Variants in BMAL1 observed in about 807,000 individuals in gnomAD.
BMAL1 encodes the protein basic helix-loop-helix ARNT-like protein 1.
At chr11:13,365,314 C>CAA in the BMAL1 span, 1 of 480,278 alleles carries the variant, frequency 2.1e-6, no homozygotes, top group Non-Finnish European at 3.8e-6. Flanking sequence ...CACACACACA[C>CAA]ACACACAATC....
the BMAL1 span, among the ~76,000 whole-genome samples, chr11:13,337,101 G>C: frequency 6.6e-6 from 1 of 152,194 alleles, no homozygotes; most frequent in African/African-American, 2.4e-5. Flanking sequence ...CACAAAGATA[G>C]CTACTATCAG....
At chr11:13,368,537 G>A in the BMAL1 span, among the ~76,000 whole-genome samples, 45 of 152,294 alleles carry the variant, frequency 3.0e-4, no homozygotes, top group Middle Eastern at 3.4e-3. Flanking sequence ...AGGGGAGATC[G>A]CAGAGCTGGC....
At chr11:13,365,468 TGA>T in the BMAL1 span, 1 of 1,574,002 alleles carries the variant, frequency 6.4e-7, no homozygotes, top group South Asian at 1.1e-5. Context: ...TCCTACAGTA[TGA>T]GAAATTGATT....
the BMAL1 span, among the ~76,000 whole-genome samples, chr11:13,317,926 G>A: frequency 6.6e-6 from 1 of 152,252 alleles, no homozygotes; most frequent in East Asian, 1.9e-4. Context: ...AGCACTCATA[G>A]TGTTTTAAGA....
the BMAL1 span, among the ~76,000 whole-genome samples, chr11:13,284,118 A>ATC: frequency 1.1e-5 from 1 of 95,118 alleles, no homozygotes; most frequent in Admixed American, 1.1e-4. Flanking sequence ...GTGTATATAT[A>ATC]TGTGTGTGTG....
chr11:13,354,565 C>G, the BMAL1 span: 4 of 1,393,928 alleles, frequency 2.9e-6, no homozygotes, highest in African/African-American at 5.8e-5. Flanking sequence ...ATAAAAAACC[C>G]AACTCTAGGT....
the BMAL1 span, chr11:13,381,025 A>G: frequency 5.5e-6 from 4 of 731,328 alleles, no homozygotes; most frequent in Non-Finnish European, 9.1e-6. Context: ...TAGAGAGCCT[A>G]CTATCTGGCC....
the BMAL1 span, chr11:13,381,204 A>T: frequency 1.2e-6 from 2 of 1,614,088 alleles, no homozygotes; most frequent in African/African-American, 2.7e-5. Flanking sequence ...CAGCCCATTG[A>T]ACATCACGAG....
At chr11:13,354,610 T>C in the BMAL1 span, 69 of 927,220 alleles carry the variant, frequency 7.4e-5, no homozygotes, top group Non-Finnish European at 1.0e-4. Context: ...TACCTTCCCC[T>C]AGTTTGTAAG....
chr11:13,357,969 C>T, the BMAL1 span, among the ~76,000 whole-genome samples: 1 of 152,228 alleles, frequency 6.6e-6, no homozygotes, highest in Non-Finnish European at 1.5e-5. This position sits in a 1 kb window ranked among gnomAD's most constrained non-coding sequence, Gnocchi z 4.8. Context: ...GTCAGTGAGG[C>T]TGTGACTGGA....
the BMAL1 span, among the ~76,000 whole-genome samples, chr11:13,337,522 A>T: frequency 8.5e-4 from 130 of 152,320 alleles, no homozygotes; most frequent in Non-Finnish European, 1.4e-3. Flanking sequence ...TTAGGCATGA[A>T]ATTACTTTGT....
At chr11:13,291,713 T>C in the BMAL1 span, among the ~76,000 whole-genome samples, 2 of 151,890 alleles carry the variant, frequency 1.3e-5, no homozygotes, top group African/African-American at 4.8e-5. Context: ...GCAGGAATTA[T>C]TAAAGTGAAC....
chr11:13,312,385 G>C, the BMAL1 span, among the ~76,000 whole-genome samples: 1 of 152,192 alleles, frequency 6.6e-6, no homozygotes, highest in Admixed American at 6.5e-5. Flanking sequence ...AGAAGGACTA[G>C]AGATAGATCG....
the BMAL1 span, among the ~76,000 whole-genome samples, chr11:13,281,432 A>G: frequency 6.6e-6 from 1 of 152,044 alleles, no homozygotes; most frequent in African/African-American, 2.4e-5. Context: ...ATTTCTTCTC[A>G]AAGTTTTCTC....
the BMAL1 span, chr11:13,354,323 A>G: frequency 6.2e-7 from 1 of 1,610,886 alleles, no homozygotes; most frequent in African/African-American, 1.3e-5. Flanking sequence ...CAGACCAGAG[A>G]ATGGACATTT....
At chr11:13,279,552 A>C in the BMAL1 span, among the ~76,000 whole-genome samples, 1 of 152,150 alleles carries the variant, frequency 6.6e-6, no homozygotes, top group Non-Finnish European at 1.5e-5. Flanking sequence ...AGTTTTGAAT[A>C]ATATCATGCT....
the BMAL1 span, among the ~76,000 whole-genome samples, chr11:13,291,071 T>C: frequency 6.6e-6 from 1 of 152,190 alleles, no homozygotes; most frequent in Non-Finnish European, 1.5e-5. Context: ...GGGTGAATTT[T>C]AAAGACAACA....
At chr11:13,290,559 A>ATGTTATTATTAT in the BMAL1 span, among the ~76,000 whole-genome samples, 747 of 149,058 alleles carry the variant, frequency 5.0e-3, 7 homozygotes, top group African/African-American at 0.016. Context: ...ACAAGTGTAT[A>ATGTTATTATTAT]TATTATTATT....
the BMAL1 span, among the ~76,000 whole-genome samples, chr11:13,284,170 A>G: frequency 3.0e-4 from 13 of 42,728 alleles, 1 homozygote; most frequent in Non-Finnish European, 6.1e-4. Flanking sequence ...GTGTGTATAT[A>G]TATATATGTG....
Sources: allele counts gnomAD v4.1 joint callset (sites outside exome capture counted in the v4.1 genomes callset), GRCh38; gene constraint gnomAD v4.1.1; non-coding constraint Gnocchi (gnomAD v3.1); transcripts MANE v1.5; gene names NCBI Gene and HGNC (gene_info 2026-07-23, HGNC 2026-07-21).